The following RNF157 variants were observed in gnomAD, a reference collection of about 807,000 sequenced individuals.
The protein encoded by RNF157 is E3 ubiquitin ligase RNF157.
Under a neutral mutation model 88.3 loss-of-function variants are expected in RNF157, and 55 were observed. That is an observed-to-expected ratio of 0.62 (90% CI 0.50 to 0.78). The LOEUF (loss-of-function observed/expected upper bound fraction) is 0.78, where lower values mean the gene tolerates loss of function less well. Among genes scored for constraint, RNF157 ranks in the 30% least tolerant of loss-of-function variants. The pLI, the probability that RNF157 is intolerant of heterozygous loss-of-function variation, is 0.00. For synonymous variants in RNF157, 334 were observed against 341.2 expected, an observed-to-expected ratio of 0.98 and a Z score of 0.23; for missense variants, 788 against 860.8, an observed-to-expected ratio of 0.92 and a Z score of 1.06.
chr17:76,187,308 C>T (rs551424047), intron 2 of RNF157, among the ~76,000 whole-genome samples: 1 of 151,912 alleles, frequency 6.6e-6, no homozygotes, highest in African/African-American at 2.4e-5. Context: ...CTCAGTCTCC[C>T]GAGTAGCTGG....
At chr17:76,166,077 C>T (rs576391807) in intron 6 of RNF157, among the ~76,000 whole-genome samples, 3 of 152,236 alleles carry the variant, frequency 2.0e-5, no homozygotes, top group Non-Finnish European at 2.9e-5. Flanking sequence ...CAGGTTCAAA[C>T]GATTCTGCTG....
At chr17:76,238,138 ACT>A (rs970231823) in intron 1 of RNF157, among the ~76,000 whole-genome samples, 1 of 152,122 alleles carries the variant, frequency 6.6e-6, no homozygotes, top group Non-Finnish European at 1.5e-5. Context: ...TCATGGCCAA[ACT>A]CTGTCAACGG....
intron 3 of RNF157, among the ~76,000 whole-genome samples, 158 bp downstream of exon 3, chr17:76,173,544 G>C (rs1449791804): frequency 6.6e-6 from 1 of 152,142 alleles, no homozygotes; most frequent in South Asian, 2.1e-4. Flanking sequence ...CCTGATCTCA[G>C]CAGAAAGTAG....
chr17:76,188,947 G>A (rs572345486), intron 2 of RNF157, among the ~76,000 whole-genome samples: 1 of 152,228 alleles, frequency 6.6e-6, no homozygotes, highest in African/African-American at 2.4e-5. Flanking sequence ...TATAATCCTG[G>A]TCTTTTGATA....
Position 76,155,768 on chromosome 17 carries a change from AG to A in RNF157, c.1526-35del, listed in dbSNP as rs767929929. ...ACAGGGGATGGGGAAAGGAGCCTGG[AG>A]GTCAGGCAGGGCTTCTGCAAGCTTT... On this transcript the variant is annotated intron_variant, in intron 14 of 18. Coordinates refer to ENST00000269391, the MANE Select transcript of RNF157 (RefSeq NM_052916.3). The A allele has an allele frequency of 3.4e-6, 5 of 1,487,120 alleles. No homozygotes were observed. In the South Asian group the frequency reaches 6.7e-5, roughly 20 times the overall value. The allele number at this position is 1,487,120 out of a possible 1,614,324, so 92.1% of individuals were successfully genotyped here.
intron 1 of RNF157, among the ~76,000 whole-genome samples, chr17:76,223,185 C>T (rs1395427100): frequency 6.7e-6 from 1 of 149,120 alleles, no homozygotes; most frequent in Non-Finnish European, 1.5e-5. Flanking sequence ...CCACCGCACC[C>T]GGCCTTTTTT....
chr17:76,194,981 C>G (rs978557763), intron 2 of RNF157, among the ~76,000 whole-genome samples: 8 of 152,272 alleles, frequency 5.3e-5, no homozygotes, highest in Admixed American at 1.3e-4. Context: ...CACCACTGCA[C>G]TCCAGCCTGG....
chr17:76,233,824 T>C (rs2070235736), intron 1 of RNF157, among the ~76,000 whole-genome samples: 1 of 152,248 alleles, frequency 6.6e-6, no homozygotes, highest in African/African-American at 2.4e-5. Flanking sequence ...TGAGTCACCA[T>C]ACCCAGCCCC....
chr17:76,236,603 A>G (rs934081655), intron 1 of RNF157, among the ~76,000 whole-genome samples: 2 of 152,226 alleles, frequency 1.3e-5, no homozygotes. Flanking sequence ...CATACTTTCT[A>G]TTACTTAAAT....
intron 2 of RNF157, among the ~76,000 whole-genome samples, chr17:76,177,441 A>G (rs1440929777): frequency 6.6e-6 from 1 of 151,670 alleles, no homozygotes; most frequent in East Asian, 1.9e-4. Flanking sequence ...AGGAGTGCAC[A>G]TGCTCGGGGT....
Position 76,145,125 on chromosome 17 carries a change from G to A in RNF157, c.*110C>T, listed in dbSNP as rs1340816624. ...GTTACAGGTTGTAACAGCTGTCACA[G>A]GAGGGTAAAAAGTCTCCAGCATCTT... On this transcript the variant is annotated 3_prime_UTR_variant, in exon 19 of 19. Transcript: ENST00000269391. 3 of 667,904 alleles carry A rather than the reference G, an allele frequency of 4.5e-6. No individual in the cohort carries two copies. The African/African-American group carries it at 5.4e-5, about 12-fold the overall frequency. The allele number at this position is 667,904 out of a possible 1,614,324, so 41.4% of individuals were successfully genotyped here.
intron 3 of RNF157, among the ~76,000 whole-genome samples, chr17:76,168,822 C>A (rs1327818367): frequency 1.3e-5 from 2 of 152,232 alleles, no homozygotes; most frequent in Non-Finnish European, 2.9e-5. Context: ...ATTCAACATT[C>A]ACACTTCACT....
intron 1 of RNF157, among the ~76,000 whole-genome samples, chr17:76,216,592 A>AAATAAT (rs367862624): frequency 2.6e-5 from 4 of 151,708 alleles, no homozygotes; most frequent in East Asian, 1.9e-4. Flanking sequence ...GTATATTTAA[A>AAATAAT]AATAATAATA....
At chr17:76,238,494 T>C (rs1174883294) in intron 1 of RNF157, among the ~76,000 whole-genome samples, 1 of 152,228 alleles carries the variant, frequency 6.6e-6, no homozygotes, top group African/African-American at 2.4e-5. Flanking sequence ...TGTCTTTTTA[T>C]TATCATCACC....
chr17:76,168,754 G>T (rs1196921943), intron 3 of RNF157, among the ~76,000 whole-genome samples: 1 of 152,154 alleles, frequency 6.6e-6, no homozygotes, highest in Non-Finnish European at 1.5e-5. Flanking sequence ...GGTGGAGCAC[G>T]TGTCCTGCCA....
At chr17:76,226,812 G>T in intron 1 of RNF157, 3 of 1,535,296 alleles carry the variant, frequency 2.0e-6, no homozygotes, top group Non-Finnish European at 1.8e-6. Context: ...GTCATGTTGC[G>T]GTGCTTTGCT....
intron 2 of RNF157, among the ~76,000 whole-genome samples, chr17:76,211,093 C>T (rs1279703866): frequency 6.6e-6 from 1 of 152,248 alleles, no homozygotes; most frequent in Non-Finnish European, 1.5e-5. Flanking sequence ...GTGTTGGCCA[C>T]TGTGCCTGGC....
chr17:76,173,096 C>T (rs1368940035), intron 3 of RNF157, among the ~76,000 whole-genome samples: 1 of 152,058 alleles, frequency 6.6e-6, no homozygotes, highest in African/African-American at 2.4e-5. Context: ...ACCATCCTGG[C>T]TAACATGGTG....
intron 1 of RNF157, among the ~76,000 whole-genome samples, chr17:76,222,346 C>CA (rs1162600459): frequency 0.033 from 2,552 of 78,124 alleles, 27 homozygotes; most frequent in African/African-American, 0.042. Flanking sequence ...GACCCCGTCT[C>CA]AAAAAAAAAA....
Sources: allele counts gnomAD v4.1 joint callset (sites outside exome capture counted in the v4.1 genomes callset), GRCh38; gene constraint gnomAD v4.1.1; transcripts MANE v1.5; gene names NCBI Gene and HGNC (gene_info 2026-07-23, HGNC 2026-07-21).